The following FOLH1 variants were observed in gnomAD, a reference collection of about 807,000 sequenced individuals.
The protein encoded by FOLH1 is folate hydrolase 1.
A neutral mutation model predicts 93.9 loss-of-function variants in FOLH1; 54 were observed. That is an observed-to-expected ratio of 0.57 (90% CI 0.46 to 0.72). The LOEUF (loss-of-function observed/expected upper bound fraction) is 0.72. Ranked by LOEUF, FOLH1 falls within the 30% of genes least tolerant of loss-of-function variation. The pLI is 0.00. For missense variants in FOLH1, 571 were observed against 892.5 expected (o/e 0.64, Z 4.59); for synonymous variants, 249 against 303.6 (o/e 0.82, Z 1.87).
chr11:49,156,838 A>C (rs1857090658), intron 14 of FOLH1, 31 bp from the exon 15 acceptor site: 4 of 1,608,578 alleles, frequency 2.5e-6, no homozygotes, highest in Non-Finnish European at 3.4e-6. Context: ...GAATTATTTC[A>C]AAGTAATTTG....
At chr11:49,165,595 G>A (rs535288750) in intron 12 of FOLH1, among the ~76,000 whole-genome samples, 1 of 152,244 alleles carries the variant, frequency 6.6e-6, no homozygotes, top group South Asian at 2.1e-4. Flanking sequence ...CTCTTGAACT[G>A]GGTTTTCTAG....
At chr11:49,207,826 C>G in intron 1 of FOLH1, 1 of 452,550 alleles carries the variant, frequency 2.2e-6, no homozygotes, top group Non-Finnish European at 4.4e-6. Context: ...CCAGGAAAAA[C>G]AGCAAAAGAC....
chr11:49,154,579 T>G, intron 15 of FOLH1, 87 bp from the exon 16 acceptor site: 3 of 1,537,114 alleles, frequency 2.0e-6, no homozygotes, highest in Non-Finnish European at 8.8e-7. Flanking sequence ...ATTAGTAAGA[T>G]TGGTCAGTGA....
chr11:49,187,868 G>C (rs1187400348), intron 4 of FOLH1, among the ~76,000 whole-genome samples: 1 of 152,186 alleles, frequency 6.6e-6, no homozygotes, highest in Non-Finnish European at 1.5e-5. Flanking sequence ...ATTGATGTGA[G>C]GGTACAGAGA....
chr11:49,196,247 C>T (rs1029689719), intron 3 of FOLH1, among the ~76,000 whole-genome samples: 2 of 152,014 alleles, frequency 1.3e-5, no homozygotes, highest in African/African-American at 4.8e-5. Context: ...TATCATATGA[C>T]AAACAATAAA....
chr11:49,198,345 C>G (rs571683056), intron 3 of FOLH1, among the ~76,000 whole-genome samples: 1 of 151,888 alleles, frequency 6.6e-6, no homozygotes, highest in Admixed American at 6.5e-5. Context: ...AGCCGGGCGT[C>G]GTGGCGGGAG....
At chr11:49,180,875 G>A (rs1860646598) in intron 7 of FOLH1, among the ~76,000 whole-genome samples, 1 of 152,050 alleles carries the variant, frequency 6.6e-6, no homozygotes, top group South Asian at 2.1e-4. Context: ...TGTTATTAAC[G>A]GTGATTGTAT....
Position 49,146,873 on chromosome 11 carries a change from C to T in FOLH1, c.2136G>A (p.Leu712=), listed in dbSNP as rs1490917553. ...GESFPGIYDA[L]FDIESKVDPS... ...GGTCCACTTTGCTTTCAATATCAAACAGAGCATCATAAATTCCTGGGAATG... is the reference window on the plus strand; with the variant it reads ...GGTCCACTTTGCTTTCAATATCAAATAGAGCATCATAAATTCCTGGGAATG... Residue 712 remains leucine, a synonymous_variant, in exon 19 of 19, where the codon CTG becomes CTA. Transcript: ENST00000256999. 1.9e-6 allele frequency: 3 copies of T among 1,613,340 alleles called. No individual in the cohort carries two copies. Among genetic ancestry groups the T allele is most frequent in the African/African-American group, 2.7e-5 (2 of 74,838 alleles).
At chr11:49,159,837 T>G (rs1193835024) in intron 13 of FOLH1, among the ~76,000 whole-genome samples, 2 of 152,224 alleles carry the variant, frequency 1.3e-5, no homozygotes, top group Admixed American at 6.5e-5. Flanking sequence ...GGGATTCAAT[T>G]TCTTTCTGGT....
chr11:49,156,923 A>C, intron 14 of FOLH1, 116 bp from the exon 15 acceptor site: 1 of 1,506,310 alleles, frequency 6.6e-7, no homozygotes, highest in South Asian at 1.3e-5. Flanking sequence ...TTAAACATAC[A>C]GCTTTAGACA....
chr11:49,200,131 C>A, intron 3 of FOLH1, 124 bp downstream of exon 3: 1 of 983,208 alleles, frequency 1.0e-6, no homozygotes. Flanking sequence ...AAGGTATTCA[C>A]AAGATCCAAT....
chr11:49,181,864 T>A (rs896890418), intron 7 of FOLH1, among the ~76,000 whole-genome samples: 1 of 152,110 alleles, frequency 6.6e-6, no homozygotes, highest in Admixed American at 6.5e-5. Context: ...GTCAGCCTCC[T>A]CACCTCTAAA....
At chr11:49,185,941 G>A in intron 5 of FOLH1, 86 bp from the exon 6 acceptor site, 1 of 1,432,830 alleles carries the variant, frequency 7.0e-7, no homozygotes. Flanking sequence ...ACACTTAAAT[G>A]AGTACCAGAA....
intron 18 of FOLH1, among the ~76,000 whole-genome samples, chr11:49,147,371 T>A (rs1202586190): frequency 6.6e-6 from 1 of 152,126 alleles, no homozygotes; most frequent in Non-Finnish European, 1.5e-5. Context: ...TTTTAATATA[T>A]CATGCTACCC....
chr11:49,147,376 C>T (rs1482557929), intron 18 of FOLH1, among the ~76,000 whole-genome samples: 2 of 152,082 alleles, frequency 1.3e-5, no homozygotes, highest in African/African-American at 2.4e-5. Flanking sequence ...ATATATCATG[C>T]TACCCCCTAT....
chr11:49,187,970 G>A (rs1237090257), intron 4 of FOLH1, among the ~76,000 whole-genome samples: 1 of 152,186 alleles, frequency 6.6e-6, no homozygotes, highest in Non-Finnish European at 1.5e-5. Context: ...AGCTGGCATT[G>A]CAGGGTGACT....
intron 4 of FOLH1, among the ~76,000 whole-genome samples, chr11:49,188,159 T>G (rs997004360): frequency 4.6e-5 from 7 of 152,220 alleles, no homozygotes; most frequent in African/African-American, 7.2e-5. Flanking sequence ...TCTTTATAAG[T>G]CAAATTTTTT....
In FOLH1 at chr11:49,169,229, G is replaced by A. The variant is rs1226003404; in HGVS notation, c.1338C>T (p.Gly446=). Residue 446 remains glycine (G), a synonymous_variant, in exon 12 of 19, where the codon GGC becomes GGT. Coordinates refer to ENST00000256999, the MANE Select transcript of FOLH1 (RefSeq NM_004476.3). ...EENSRLLQER[G]VAYINADSSI... is the part of the protein sequence containing the mutation. ...ATGAGTCAGCATTAATATAAGCCAC[G>A]CCACGCTCTTGAAGGAGTCTTGAAT... 11 of 1,613,088 alleles carry A rather than the reference G, an allele frequency of 6.8e-6. No homozygotes were observed. Among genetic ancestry groups the A allele is most frequent in the African/African-American group, 1.3e-5 (1 of 74,974 alleles).
chr11:49,207,089 T>C (rs1462161501), intron 1 of FOLH1, among the ~76,000 whole-genome samples: 5 of 152,160 alleles, frequency 3.3e-5, no homozygotes, highest in Non-Finnish European at 1.5e-5. Context: ...ATTCCACCTG[T>C]GCATAAAACA....
Sources: gnomAD v4.1 joint callset for allele counts (sites outside exome capture counted in the v4.1 genomes callset) on GRCh38, gnomAD v4.1.1 for gene constraint, MANE v1.5 for transcripts, NCBI Gene and HGNC (gene_info 2026-07-23, HGNC 2026-07-21) for gene names.